Variants in SYTL5 observed in about 807,000 individuals in gnomAD.
SYTL5 encodes the protein synaptotagmin like 5, also known as synaptotagmin-like protein 5.
In SYTL5, 34 loss-of-function variants were observed where a neutral mutation model predicts 55.9. The ratio of observed to expected loss-of-function variants is 0.61; its 90% CI spans 0.46 to 0.81. SYTL5 has a LOEUF of 0.81. SYTL5 is among the 30% of genes least tolerant of loss of function. SYTL5 has a pLI of 0.00. For synonymous variants in SYTL5, 221 were observed against 188.7 expected (o/e 1.17, Z -1.40); for missense variants, 637 against 546.7 (o/e 1.17, Z -1.65).
the SYTL5 span, among the ~76,000 whole-genome samples, chrX:37,934,005 A>G: frequency 9.0e-6 from 1 of 111,656 alleles, no homozygotes; most frequent in East Asian, 2.8e-4. Flanking sequence ...AACAGAGTAG[A>G]GACTCCACTG....
rs189725656 is a variant in SYTL5, at chrX:38,060,596, G to T, written c.329+6174G>T. 9.8e-5 allele frequency among the ~76,000 whole-genome samples: 11 copies of T among 111,761 alleles called. No homozygotes were observed. In the Admixed American group the frequency reaches 1.0e-3, roughly 11 times the overall value. The stretch of plus-strand genomic sequence containing the variant: ...GAACAATTGAATGGATGAATAAATG[G>T]TTGGCCTCTACTTAAAGTATATCAG... On this transcript the variant is annotated intron_variant, in intron 3 of 16. Transcript: ENST00000297875.
At chrX:38,105,994 A>T (rs754220899) in intron 10 of SYTL5, among the ~76,000 whole-genome samples, 2 of 112,195 alleles carry the variant, frequency 1.8e-5, no homozygotes, top group Non-Finnish European at 3.8e-5. Flanking sequence ...TATACTACTC[A>T]TGTAGCCACA....
At chrX:38,103,611 C>T (rs1409718754) in intron 10 of SYTL5, among the ~76,000 whole-genome samples, 1 of 110,563 alleles carries the variant, frequency 9.0e-6, no homozygotes, top group Non-Finnish European at 1.9e-5. Context: ...GGAGATCTTG[C>T]TTTATTTCTT....
rs141469127 is a variant in SYTL5 at position 38,018,965 on chromosome X, C to T, written c.-357+12297C>T. Reference sequence around the variant, plus strand: ...ACCTTTCCCCTGTCTTTCATCCAATCACTGAGTGCTGGTCTTTCAAAAAAC... The same window carrying T: ...ACCTTTCCCCTGTCTTTCATCCAATTACTGAGTGCTGGTCTTTCAAAAAAC... On this transcript the variant is annotated intron_variant, in intron 1 of 16. Coordinates refer to ENST00000297875, the MANE Select transcript of SYTL5 (RefSeq NM_138780.3). Among the ~76,000 whole-genome samples the T allele has an allele frequency of 9.8e-3, 1,101 of 112,174 alleles. 9 individuals are homozygous for T. Among genetic ancestry groups the T allele is most frequent in the Non-Finnish European group, 0.015 (779 of 53,279 alleles).
chrX:37,921,068 G>A, the SYTL5 span, among the ~76,000 whole-genome samples: 1 of 111,516 alleles, frequency 9.0e-6, no homozygotes, highest in Admixed American at 9.6e-5. Context: ...TGTGCATGAG[G>A]TGCCAAAGCA....
the SYTL5 span, among the ~76,000 whole-genome samples, chrX:37,921,285 T>C: frequency 9.0e-6 from 1 of 111,558 alleles, no homozygotes; most frequent in African/African-American, 3.3e-5. Flanking sequence ...TTAACTCCTA[T>C]ATGAAACTGT....
intron 2 of SYTL5, among the ~76,000 whole-genome samples, chrX:38,043,668 T>TATATATATATATATATATATATAC (rs1168114998): frequency 4.4e-5 from 3 of 68,537 alleles, no homozygotes; most frequent in Non-Finnish European, 7.2e-5. Flanking sequence ...TATGTATATA[T>TATATATATATATATATATATATAC]ATATATATAT....
chrX:38,000,420 C>A, the SYTL5 span, among the ~76,000 whole-genome samples: 1 of 112,170 alleles, frequency 8.9e-6, no homozygotes, highest in South Asian at 3.7e-4. Context: ...TCCCTTGTCC[C>A]CCTCACAGGG....
the SYTL5 span, among the ~76,000 whole-genome samples, chrX:37,918,004 A>G: frequency 4.1e-4 from 46 of 111,648 alleles, 1 homozygote; most frequent in Non-Finnish European, 1.3e-4. Flanking sequence ...TGGGTATATT[A>G]CTTAAGTTTT....
intron 1 of SYTL5, among the ~76,000 whole-genome samples, chrX:38,020,408 C>CAT (rs59575156): frequency 0.034 from 2,000 of 58,373 alleles, 26 homozygotes; most frequent in Non-Finnish European, 0.041. Context: ...TATGTGTGTG[C>CAT]ATATATATAT....
chrX:38,060,179 T>A (rs111740203), intron 3 of SYTL5, among the ~76,000 whole-genome samples: 5,619 of 111,811 alleles, frequency 0.05, 122 homozygotes, highest in Middle Eastern at 0.083. Context: ...TATTCACACA[T>A]TTTGCCATCA....
At chrX:38,056,643 A>G (rs1159952191) in intron 3 of SYTL5, among the ~76,000 whole-genome samples, 1 of 111,739 alleles carries the variant, frequency 8.9e-6, no homozygotes, top group Non-Finnish European at 1.9e-5. Flanking sequence ...TGTCTTTTGG[A>G]TAAAAGCCAT....
At chrX:37,927,651 AC>A in the SYTL5 span, among the ~76,000 whole-genome samples, 102 of 110,532 alleles carry the variant, frequency 9.2e-4, no homozygotes, top group Admixed American at 2.6e-3. Flanking sequence ...GGTGGTGCGC[AC>A]CTGTAGTCCC....
chrX:38,083,822 G>T (rs1936602765), intron 6 of SYTL5, among the ~76,000 whole-genome samples: 1 of 98,588 alleles, frequency 1.0e-5, no homozygotes, highest in African/African-American at 4.0e-5. Flanking sequence ...GTGCGCATAG[G>T]CACTGTGGTG....
At chrX:38,096,373 C>G (rs1936937409) in intron 9 of SYTL5, 139 bp downstream of exon 9, 1 of 343,007 alleles carries the variant, frequency 2.9e-6, no homozygotes, top group Non-Finnish European at 5.1e-6. Flanking sequence ...TTAGTCTTCA[C>G]AGTCAACACA....
chrX:37,986,990 A>AT, the SYTL5 span, among the ~76,000 whole-genome samples: 1 of 110,984 alleles, frequency 9.0e-6, no homozygotes, highest in Non-Finnish European at 1.9e-5. Context: ...TTACACTCTC[A>AT]TTTTTTGCAC....
the SYTL5 span, among the ~76,000 whole-genome samples, chrX:37,978,206 A>T: frequency 9.0e-6 from 1 of 111,470 alleles, no homozygotes; most frequent in Non-Finnish European, 1.9e-5. Context: ...TATCACACTG[A>T]CAATGAGGAT....
the SYTL5 span, among the ~76,000 whole-genome samples, chrX:37,898,717 T>C: frequency 5.3e-5 from 6 of 112,543 alleles, no homozygotes; most frequent in Non-Finnish European, 1.1e-4. Context: ...TAGGACAAGA[T>C]AATAACAGCT....
At chrX:38,102,126 G>C (rs898883441) in intron 9 of SYTL5, among the ~76,000 whole-genome samples, 1 of 110,623 alleles carries the variant, frequency 9.0e-6, no homozygotes, top group Non-Finnish European at 1.9e-5. Context: ...CATTAGAAAG[G>C]AGACCTCACT....
Sources: gnomAD v4.1 joint callset for allele counts (sites outside exome capture counted in the v4.1 genomes callset) on GRCh38, gnomAD v4.1.1 for gene constraint, MANE v1.5 for transcripts, NCBI Gene and HGNC (gene_info 2026-07-23, HGNC 2026-07-21) for gene names.